The following AVP variants were observed in gnomAD, a reference collection of about 807,000 sequenced individuals.
AVP encodes arginine vasopressin.
AVP carries 9 observed loss-of-function variants against 11.1 expected under a neutral mutation model. The observed-to-expected ratio is 0.81, with a 90% confidence interval of 0.49 to 1.42. The LOEUF (loss-of-function observed/expected upper bound fraction) is 1.42, where lower values mean the gene tolerates loss of function less well. Among genes scored for constraint, AVP ranks in the 40% most tolerant of loss-of-function variants. AVP has a pLI of 0.00. For missense variants in AVP, 206 were observed against 238.5 expected (o/e 0.86, Z 0.90); for synonymous variants, 106 against 111.3 (o/e 0.95, Z 0.30).
chr20:3,082,978 G>C lies in AVP; in HGVS notation c.321C>G (p.Asp107Glu). 9.3e-7 allele frequency: 1 copy of C among 1,079,936 alleles called. No homozygotes were observed. Among genetic ancestry groups the C allele is most frequent in the Non-Finnish European group, 1.2e-6 (1 of 824,984 alleles). 66.9% of individuals were successfully genotyped at this position (1,079,936 alleles called of 1,614,324 possible). A position where few individuals can be genotyped will look rare whatever the true frequency, so the allele number is the denominator to read the frequency against. Residue 107 changes from aspartate to glutamate, a missense_variant and splice_region_variant, in exon 2 of 3, where the codon GAC becomes GAG. Physicochemically the swap from Asp to Glu is conservative, Grantham distance 45. Around this residue, in one of 2 missense-constraint regions of AVP, gnomAD observed 106 missense variants for 89.2 expected, o/e 1.19. Coordinates refer to ENST00000380293, the MANE Select transcript of AVP (RefSeq NM_000490.5). This position sits in a 1 kb window ranked among gnomAD's most constrained non-coding sequence, Gnocchi z 4.7. Reference protein sequence around the residue: ...RCAAFGVCCNDESCVTEPECR... With the variant: ...RCAAFGVCCNEESCVTEPECR... ...CCCAGGCCCGCCCCCGCCGCGCACCGTCGTTGCAGCAAACGCCGAAGGCGG... is the reference window on the plus strand; with the variant it reads ...CCCAGGCCCGCCCCCGCCGCGCACCCTCGTTGCAGCAAACGCCGAAGGCGG...
intron 1 of AVP, 71 bp downstream of exon 1, chr20:3,084,484 C>T (rs2066127413): frequency 3.1e-6 from 5 of 1,608,498 alleles, no homozygotes; most frequent in Admixed American, 3.3e-5. Flanking sequence ...TTCCCTCTTT[C>T]CTAGCCCCTG....
chr20:3,084,455 G>A, intron 1 of AVP, 100 bp downstream of exon 1: 3 of 1,592,870 alleles, frequency 1.9e-6, no homozygotes, highest in Non-Finnish European at 2.6e-6. Flanking sequence ...TTCCCCTAAA[G>A]GCTACCACCA....
Position 3,082,645 on chromosome 20 carries a change from C to A in AVP, c.480G>T (p.Gln160His). 2 of 1,274,248 alleles carry A rather than the reference C, an allele frequency of 1.6e-6. No homozygotes were observed. The highest frequency in any genetic ancestry group is 2.0e-6 in the Non-Finnish European group (2 of 1,014,276). The allele number at this position is 1,274,248 out of a possible 1,614,324, so 78.9% of individuals were successfully genotyped here. ...AGAPEPFEPAQPDAY is the reference protein window; with the variant it reads ...AGAPEPFEPAHPDAY Reference sequence around the variant, plus strand: ...AGCGCGGGGCTCAGTAGGCGTCGGGCTGGGCGGGCTCGAAGGGCTCGGGCG... The same window carrying A: ...AGCGCGGGGCTCAGTAGGCGTCGGGATGGGCGGGCTCGAAGGGCTCGGGCG... Residue 160 changes from glutamine to histidine, a missense_variant, in exon 3 of 3, where the codon CAG (glutamine) becomes CAT (histidine). By Grantham distance (24) the Gln-to-His change is conservative (BLOSUM62 0). Transcript: ENST00000380293. The surrounding 1 kb of genome is among the most constrained non-coding windows in gnomAD (Gnocchi z 4.7).
chr20:3,082,666 GGGCGC>G lies in AVP; in HGVS notation c.454_458del (p.Ala152ArgfsTer32), dbSNP rs1270489130. 3 of 1,283,876 alleles carry G rather than the reference GGGCGC, an allele frequency of 2.3e-6. No homozygotes were observed. The African/African-American group carries it at 4.7e-5, about 20-fold the overall frequency. The allele number at this position is 1,283,876 out of a possible 1,614,324, so 79.5% of individuals were successfully genotyped here. On this transcript the variant is annotated frameshift_variant, in exon 3 of 3. Transcript: ENST00000380293. LOFTEE classifies it high-confidence loss of function. This position sits in a 1 kb window ranked among gnomAD's most constrained non-coding sequence, Gnocchi z 4.7. ...CGGGCTGGGCGGGCTCGAAGGGCTC[GGGCGC>G]CCCGGCCAGCTGCACCAGCCGCAGC...
In AVP at chr20:3,082,621, G is replaced by A; in HGVS notation, c.*9C>T. 1 of 1,252,854 alleles carries A rather than the reference G, an allele frequency of 8.0e-7. No individual in the cohort carries two copies. Among genetic ancestry groups the A allele is most frequent in the Non-Finnish European group, 1.0e-6 (1 of 1,000,724 alleles). The allele number at this position is 1,252,854 out of a possible 1,614,324, so 77.6% of individuals were successfully genotyped here. A position where few individuals can be genotyped will look rare whatever the true frequency, so the allele number is the denominator to read the frequency against. On this transcript the variant is annotated 3_prime_UTR_variant, in exon 3 of 3. Transcript: ENST00000380293. The surrounding 1 kb of genome is among the most constrained non-coding windows in gnomAD (Gnocchi z 4.7). Reference sequence around the variant, plus strand: ...CGCGAAGAGCGCGCCGGTGGGGCGAGCGCGGGGCTCAGTAGGCGTCGGGCT... The same window carrying A: ...CGCGAAGAGCGCGCCGGTGGGGCGAACGCGGGGCTCAGTAGGCGTCGGGCT...
rs533686871 is a variant in AVP, at chr20:3,083,337, C to T, written c.121-159G>A. Among the ~76,000 whole-genome samples, 12 of 152,196 alleles carry T rather than the reference C, an allele frequency of 7.9e-5. No homozygotes were observed. The highest frequency in any genetic ancestry group is 2.6e-4 in the African/African-American group (11 of 41,532). Reference sequence around the variant, plus strand: ...ACGCTCGGGCGCCACTGGGCCTCGACCGCGGTCACGGGCGGGGCGTCCAGA... The same window carrying T: ...ACGCTCGGGCGCCACTGGGCCTCGATCGCGGTCACGGGCGGGGCGTCCAGA... On this transcript the variant is annotated intron_variant, in intron 1 of 2. Coordinates refer to ENST00000380293, the MANE Select transcript of AVP (RefSeq NM_000490.5). The surrounding 1 kb of genome is among the most constrained non-coding windows in gnomAD (Gnocchi z 5.4).
At position 3,082,712 on chromosome 20, in the gene AVP, G is replaced by C; in HGVS notation, c.413C>G (p.Pro138Arg). ...CAGCCGCAGCAGCAAGGCCCCGGCC[G>C]GCCCGTCCAGCTGCGTGGCGTTGCT... ...DRSNATQLDGPAGALLLRLVQ... is the reference protein window; with the variant it reads ...DRSNATQLDGRAGALLLRLVQ... The change falls in exon 3 of 3, where the codon CCG becomes CGG. Residue 138 changes from proline to arginine, a missense_variant. Pro to Arg is a moderately radical substitution (Grantham distance 103). Around this residue, in one of 2 missense-constraint regions of AVP, gnomAD observed 106 missense variants for 89.2 expected, o/e 1.19. Transcript: ENST00000380293. This position sits in a 1 kb window ranked among gnomAD's most constrained non-coding sequence, Gnocchi z 4.7. 7.8e-7 allele frequency: 1 copy of C among 1,289,940 alleles called. No homozygotes were observed. The highest frequency in any genetic ancestry group is 1.6e-5 in the African/African-American group (1 of 64,504). 79.9% of individuals were successfully genotyped at this position (1,289,940 alleles called of 1,614,324 possible).
chr20:3,084,137 G>T (rs2066125734), intron 1 of AVP, among the ~76,000 whole-genome samples: 2 of 152,198 alleles, frequency 1.3e-5, no homozygotes. Context: ...GCCTGTGGCT[G>T]GGAGGCTGGG....
At chr20:3,084,461 CA>C in intron 1 of AVP, 93 bp downstream of exon 1, 1 of 1,597,612 alleles carries the variant, frequency 6.3e-7, no homozygotes, top group Non-Finnish European at 8.5e-7. Flanking sequence ...TAAAGGCTAC[CA>C]CCACCCATGA....
At position 3,082,750 on chromosome 20, in the gene AVP, G is replaced by A; in HGVS notation, c.375C>T (p.Arg125=). 2 of 1,272,976 alleles carry A rather than the reference G, an allele frequency of 1.6e-6. No individual in the cohort carries two copies. The highest frequency in any genetic ancestry group is 3.3e-5 in the East Asian group (1 of 30,436). 78.9% of individuals were successfully genotyped at this position (1,272,976 alleles called of 1,614,324 possible). The change falls in exon 3 of 3, where the codon CGC becomes CGT. Residue 125 remains arginine, a synonymous_variant. Coordinates refer to ENST00000380293, the MANE Select transcript of AVP (RefSeq NM_000490.5). This position sits in a 1 kb window ranked among gnomAD's most constrained non-coding sequence, Gnocchi z 4.7. ...ECREGFHRRA[R]ASDRSNATQL... The stretch of plus-strand genomic sequence containing the variant: ...GCGTGGCGTTGCTCCGGTCGCTGGC[G>A]CGGGCGCGGCGGTGAAAGCCCTCGC...
rs1405942847 is a variant in AVP at position 3,084,663 on chromosome 20, G to C, written c.12C>G (p.Thr4=). 6.2e-7 allele frequency: 1 copy of C among 1,613,420 alleles called. No homozygotes were observed. Among genetic ancestry groups the C allele is most frequent in the Admixed American group, 1.7e-5 (1 of 60,028 alleles). ...GGCCGAGGAAGCAGGCGGGCAGCAT[G>C]GTGTCAGGCATCCTGGTGCACACAG... MPD[T]MLPACFLGLL... The change falls in exon 1 of 3, where the codon ACC becomes ACG. Residue 4 remains threonine (T), a synonymous_variant. Transcript: ENST00000380293.
rs2066117783 is a variant in AVP at position 3,082,905 on chromosome 20, C to T, written c.322+72G>A. On this transcript the variant is annotated intron_variant, in intron 2 of 2. Coordinates refer to ENST00000380293, the MANE Select transcript of AVP (RefSeq NM_000490.5). This position sits in a 1 kb window ranked among gnomAD's most constrained non-coding sequence, Gnocchi z 4.7. ...CGGGCCCGACGCAGCCCCCACCCCG[C>T]CGCAGGCCCGCGTCCCCCCCACCCA... The T allele has an allele frequency of 5.4e-6, 4 of 740,292 alleles. No individual in the cohort carries two copies. In the South Asian group the frequency reaches 1.9e-4, roughly 35 times the overall value. 45.9% of individuals were successfully genotyped at this position (740,292 alleles called of 1,614,324 possible).
rs1453598224 is a variant in AVP at position 3,082,671 on chromosome 20, C to T, written c.454G>A (p.Ala152Thr). ...TGGGCGGGCTCGAAGGGCTCGGGCG[C>T]CCCGGCCAGCTGCACCAGCCGCAGC... is the stretch of plus-strand genomic sequence containing the variant. ...LLLRLVQLAG[A>T]PEPFEPAQPD... The change falls in exon 3 of 3, where the codon GCG becomes ACG. Residue 152 changes from alanine to threonine, a missense_variant. Ala to Thr is a moderately conservative substitution (Grantham distance 58, BLOSUM62 0). This residue lies in a region of AVP where 106 missense variants were observed against 89.2 expected (regional missense o/e 1.19). Coordinates refer to ENST00000380293, the MANE Select transcript of AVP (RefSeq NM_000490.5). This position sits in a 1 kb window ranked among gnomAD's most constrained non-coding sequence, Gnocchi z 4.7. 6 of 1,285,148 alleles carry T rather than the reference C, an allele frequency of 4.7e-6. No individual in the cohort carries two copies. The highest frequency in any genetic ancestry group is 8.1e-5 in the Admixed American group (2 of 24,692). 79.6% of individuals were successfully genotyped at this position (1,285,148 alleles called of 1,614,324 possible).
At position 3,083,460 on chromosome 20, in the gene AVP, G is replaced by A. The variant is rs945980471; in HGVS notation, c.121-282C>T. 6.6e-6 allele frequency among the ~76,000 whole-genome samples: 1 copy of A among 152,148 alleles called. No individual in the cohort carries two copies. Among genetic ancestry groups the A allele is most frequent in the Non-Finnish European group, 1.5e-5 (1 of 68,022 alleles). On this transcript the variant is annotated intron_variant, in intron 1 of 2. Transcript: ENST00000380293. This position sits in a 1 kb window ranked among gnomAD's most constrained non-coding sequence, Gnocchi z 5.4. ...CGGGTCTCCCGTGGACTACAGCGTG[G>A]GGAACCCTTCCTCGAGCCTCGGGGT... is the stretch of plus-strand genomic sequence containing the variant.
In AVP at chr20:3,083,072, T is replaced by G. The variant is rs1390699295; in HGVS notation, c.227A>C (p.Gln76Pro). Residue 76 changes from glutamine to proline, a missense_variant, in exon 2 of 3, where the codon CAG becomes CCG. Gln to Pro is a moderately conservative substitution (Grantham distance 76, BLOSUM62 -1). Coordinates refer to ENST00000380293, the MANE Select transcript of AVP (RefSeq NM_000490.5). The surrounding 1 kb of genome is among the most constrained non-coding windows in gnomAD (Gnocchi z 5.4). Reference sequence around the variant, plus strand: ...GGGCGACGGCAGGTAGTTCTCCTCCTGGCAGCGCAGCGCCTCAGCCGTGCC... The same window carrying G: ...GGGCGACGGCAGGTAGTTCTCCTCCGGGCAGCGCAGCGCCTCAGCCGTGCC... ...FVGTAEALRC[Q>P]EENYLPSPCQ... The G allele has an allele frequency of 1.3e-6, 2 of 1,563,520 alleles. No homozygotes were observed. The highest frequency in any genetic ancestry group is 1.8e-5 in the Admixed American group (1 of 56,608).
At position 3,083,233 on chromosome 20, in the gene AVP, G is replaced by A. The variant is rs936616789; in HGVS notation, c.121-55C>T. The A allele has an allele frequency of 2.1e-6, 3 of 1,398,428 alleles. No individual in the cohort carries two copies. The highest frequency in any genetic ancestry group is 3.0e-5 in the South Asian group (2 of 66,692). 86.6% of individuals were successfully genotyped at this position (1,398,428 alleles called of 1,614,324 possible). On this transcript the variant is annotated intron_variant, in intron 1 of 2. Coordinates refer to ENST00000380293, the MANE Select transcript of AVP (RefSeq NM_000490.5). This position sits in a 1 kb window ranked among gnomAD's most constrained non-coding sequence, Gnocchi z 5.4. The stretch of plus-strand genomic sequence containing the variant: ...AGGGGAGCCGGGAGTCGAGGGGTTG[G>A]AGGGGAACGCAGCGAGGCGGGGATG...
rs1160709130 is a variant in AVP, at chr20:3,083,688, C to T, written c.121-510G>A. Among the ~76,000 whole-genome samples, 2 of 152,176 alleles carry T rather than the reference C, an allele frequency of 1.3e-5. No individual in the cohort carries two copies. The highest frequency in any genetic ancestry group is 6.5e-5 in the Admixed American group (1 of 15,274). On this transcript the variant is annotated intron_variant, in intron 1 of 2. Transcript: ENST00000380293. The surrounding 1 kb of genome is among the most constrained non-coding windows in gnomAD (Gnocchi z 5.4). ...TGCCTTGCCCCTGGCCCCCGCCAAG[C>T]TTGTCGGCCTCAGCTGGAGCCCTGA...
chr20:3,082,869 A>AC lies in AVP; in HGVS notation c.323-68dup. The AC allele has an allele frequency of 8.2e-7, 1 of 1,219,332 alleles. No individual in the cohort carries two copies. The highest frequency in any genetic ancestry group is 3.6e-5 in the South Asian group (1 of 27,878). The allele number at this position is 1,219,332 out of a possible 1,614,324, so 75.5% of individuals were successfully genotyped here. On this transcript the variant is annotated intron_variant, in intron 2 of 2. Transcript: ENST00000380293. The surrounding 1 kb of genome is among the most constrained non-coding windows in gnomAD (Gnocchi z 4.7). ...GCAGCTCGGGGTGCGGGGGGCCCAC[A>AC]CCCTCCCTGCCGGGCCCGACGCAGC...
rs750919043 is a variant in AVP, at chr20:3,084,683, A to T, written c.-9T>A. 2.9e-5 allele frequency: 47 copies of T among 1,612,770 alleles called. No homozygotes were observed. Among genetic ancestry groups the T allele is most frequent in the Non-Finnish European group, 3.9e-5 (46 of 1,180,002 alleles). ...AGCATGGTGTCAGGCATCCTGGTGCACACAGGTGGACCCCGTATGCAGCAC... is the reference window on the plus strand; with the variant it reads ...AGCATGGTGTCAGGCATCCTGGTGCTCACAGGTGGACCCCGTATGCAGCAC... On this transcript the variant is annotated 5_prime_UTR_variant, in exon 1 of 3. Transcript: ENST00000380293.
Sources: allele counts gnomAD v4.1 joint callset (sites outside exome capture counted in the v4.1 genomes callset), GRCh38; gene constraint gnomAD v4.1.1; regional missense constraint gnomAD v4.1.1; non-coding constraint Gnocchi (gnomAD v3.1); transcripts MANE v1.5; gene names NCBI Gene and HGNC (gene_info 2026-07-23, HGNC 2026-07-21).